The following GAREM1 variants were observed in gnomAD, a reference collection of about 807,000 sequenced individuals.
The protein encoded by GAREM1 is GRB2 associated regulator of MAPK1 subtype 1.
Under a neutral mutation model 71.3 loss-of-function variants are expected in GAREM1, and 26 were observed. The ratio of observed to expected loss-of-function variants is 0.36; its 90% confidence interval spans 0.27 to 0.51. GAREM1 has a LOEUF of 0.51. Ranked by LOEUF, GAREM1 falls within the 20% of genes least tolerant of loss-of-function variation. The probability of loss-of-function intolerance (pLI) is 0.95; values close to 1 mark genes in which losing one functional copy is unlikely to be tolerated. For missense variants in GAREM1, 1,026 were observed against 1,103.1 expected (o/e 0.93, Z 0.99); for synonymous variants, 440 against 433.2 (o/e 1.02, Z -0.20).
chr18:32,393,111 T>C (rs1022108496), intron 1 of GAREM1, 76 bp from the exon 2 acceptor site: 32 of 1,447,430 alleles, frequency 2.2e-5, no homozygotes, highest in Non-Finnish European at 2.6e-5. Flanking sequence ...AAAATTTCAT[T>C]AGTTAAAACT....
At chr18:32,357,207 C>A (rs1055248935) in intron 2 of GAREM1, among the ~76,000 whole-genome samples, 2 of 152,148 alleles carry the variant, frequency 1.3e-5, no homozygotes, top group African/African-American at 4.8e-5. Flanking sequence ...CCAGGCACAG[C>A]GGTTCATGCC....
intron 3 of GAREM1, among the ~76,000 whole-genome samples, chr18:32,297,996 C>G (rs552929341): frequency 5.3e-5 from 8 of 152,268 alleles, no homozygotes; most frequent in Admixed American, 1.3e-4. Flanking sequence ...AGGAAATGAA[C>G]TGAAAGATAA....
chr18:32,266,590 A>G lies in GAREM1; in HGVS notation c.*1281T>C, dbSNP rs1191274276. ...TAGCAAAAATTCTCAGACTAATGTA[A>G]AAGTATGGTAATAATGTATTTTCTT... On this transcript the variant is annotated 3_prime_UTR_variant, in exon 6 of 6. Coordinates refer to ENST00000269209, the MANE Select transcript of GAREM1 (RefSeq NM_001242409.2). 6.6e-6 allele frequency: 1 copy of G among 152,228 alleles called. No individual in the cohort carries two copies. The highest frequency in any genetic ancestry group is 1.9e-4 in the East Asian group (1 of 5,198). The allele number at this position is 152,228 out of a possible 1,614,324, so 9.4% of individuals were successfully genotyped here.
intron 2 of GAREM1, among the ~76,000 whole-genome samples, chr18:32,343,945 G>A (rs139863709): frequency 8.2e-4 from 125 of 152,056 alleles, no homozygotes; most frequent in African/African-American, 2.9e-3. Context: ...TCCCCCACAA[G>A]CCTCTCTGAC....
intron 2 of GAREM1, among the ~76,000 whole-genome samples, chr18:32,388,990 T>C (rs889488108): frequency 5.9e-5 from 9 of 152,192 alleles, no homozygotes; most frequent in Non-Finnish European, 1.2e-4. Flanking sequence ...GGGGGATGTA[T>C]GCTGTCTACT....
intron 1 of GAREM1, among the ~76,000 whole-genome samples, chr18:32,406,034 T>C (rs1018758662): frequency 7.2e-5 from 11 of 152,218 alleles, no homozygotes; most frequent in Admixed American, 6.5e-4. Context: ...TTACACAGGC[T>C]GTTCCTTCTA....
At chr18:32,274,258 T>C (rs531183817) in intron 4 of GAREM1, among the ~76,000 whole-genome samples, 1 of 152,196 alleles carries the variant, frequency 6.6e-6, no homozygotes, top group Non-Finnish European at 1.5e-5. Flanking sequence ...TCCTATCTCT[T>C]ACTCTTAGAA....
chr18:32,269,433 G>A lies in GAREM1; in HGVS notation c.1734-665C>T, dbSNP rs574940955. On this transcript the variant is annotated intron_variant, in intron 5 of 5. Coordinates refer to ENST00000269209, the MANE Select transcript of GAREM1 (RefSeq NM_001242409.2). ...TTTAAGAGCAACATGAAACTAGAGTGTGCTCAAAGGAGGGTGAGCAGGCCG... is the reference window on the plus strand; with the variant it reads ...TTTAAGAGCAACATGAAACTAGAGTATGCTCAAAGGAGGGTGAGCAGGCCG... 6.6e-5 allele frequency among the ~76,000 whole-genome samples: 10 copies of A among 152,314 alleles called. No homozygotes were observed. In the East Asian group the frequency reaches 1.7e-3, roughly 26 times the overall value.
chr18:32,358,733 T>G (rs2047831686), intron 2 of GAREM1, among the ~76,000 whole-genome samples: 1 of 152,098 alleles, frequency 6.6e-6, no homozygotes, highest in African/African-American at 2.4e-5. Context: ...GGTGGCCTTA[T>G]CAATATGTGA....
chr18:32,270,897 GTTTTTTTTT>G (rs58914123), intron 4 of GAREM1, among the ~76,000 whole-genome samples: 5 of 92,596 alleles, frequency 5.4e-5, no homozygotes, highest in Non-Finnish European at 5.9e-5. Context: ...GTTCAGGGAT[GTTTTTTTTT>G]TTTTTTTTTT....
intron 1 of GAREM1, among the ~76,000 whole-genome samples, chr18:32,459,213 T>G (rs1471325297): frequency 6.6e-6 from 1 of 152,180 alleles, no homozygotes; most frequent in African/African-American, 2.4e-5. Flanking sequence ...AGCAAAATGT[T>G]GGTAATGGTT....
At position 32,282,039 on chromosome 18, in the gene GAREM1, C is replaced by G. The variant is rs182486902; in HGVS notation, c.1566+4992G>C. ...GCACCTTGCGACCCCCACTCCTGCC[C>G]GCCAGAGGACAACCCCCTTTTCCAT... On this transcript the variant is annotated intron_variant, in intron 4 of 5. Transcript: ENST00000269209. Among the ~76,000 whole-genome samples the G allele has an allele frequency of 6.5e-3, 991 of 152,200 alleles. 18 individuals are homozygous for G. The highest frequency in any genetic ancestry group is 0.021 in the African/African-American group (870 of 41,524).
intron 1 of GAREM1, among the ~76,000 whole-genome samples, chr18:32,439,794 C>G (rs1333304414): frequency 6.6e-6 from 1 of 152,096 alleles, no homozygotes; most frequent in Non-Finnish European, 1.5e-5. Context: ...CCCTCTAAGT[C>G]TCAATCAGCC....
intron 2 of GAREM1, among the ~76,000 whole-genome samples, chr18:32,353,134 C>A (rs1052465693): frequency 6.6e-6 from 1 of 152,198 alleles, no homozygotes; most frequent in African/African-American, 2.4e-5. Context: ...TCTTTTATCA[C>A]TGACCTTAGT....
At chr18:32,421,157 C>T (rs545809859) in intron 1 of GAREM1, among the ~76,000 whole-genome samples, 1 of 152,188 alleles carries the variant, frequency 6.6e-6, no homozygotes, top group Admixed American at 6.5e-5. Context: ...GTTACTTAAC[C>T]CACTTCCCTC....
In GAREM1 at chr18:32,301,492, T is replaced by C. The variant is rs186219414; in HGVS notation, c.393+8701A>G. Among the ~76,000 whole-genome samples, 187 of 150,606 alleles carry C rather than the reference T, an allele frequency of 1.2e-3. 1 individual carries two copies. The Middle Eastern group carries it at 0.014, about 11-fold the overall frequency. On this transcript the variant is annotated intron_variant, in intron 3 of 5. Transcript: ENST00000269209. ...ATACAGCCAACCAACCATTTGCTGA[T>C]TGGAGGTCACACATGTGCTCTGAGT...
At chr18:32,322,993 T>C (rs746558279) in intron 2 of GAREM1, among the ~76,000 whole-genome samples, 4 of 152,206 alleles carry the variant, frequency 2.6e-5, no homozygotes, top group Non-Finnish European at 5.9e-5. Flanking sequence ...GAGAAATATA[T>C]ATTTTTGGGA....
chr18:32,415,745 G>A (rs570901381), intron 1 of GAREM1, among the ~76,000 whole-genome samples: 2 of 152,186 alleles, frequency 1.3e-5, no homozygotes, highest in African/African-American at 4.8e-5. Flanking sequence ...AGCCATATAT[G>A]ACAGACCCAC....
chr18:32,419,021 C>T (rs975189636), intron 1 of GAREM1, among the ~76,000 whole-genome samples: 1 of 152,202 alleles, frequency 6.6e-6, no homozygotes, highest in Non-Finnish European at 1.5e-5. Context: ...TCAGGGTCCT[C>T]TTCTAAGCTC....
Sources: allele counts gnomAD v4.1 joint callset (sites outside exome capture counted in the v4.1 genomes callset), GRCh38; gene constraint gnomAD v4.1.1; transcripts MANE v1.5; gene names NCBI Gene and HGNC (gene_info 2026-07-23, HGNC 2026-07-21).